DPF3: variants seen among roughly 807,000 people sequenced by gnomAD.
DPF3 encodes the protein double PHD fingers 3, also known as zinc finger protein DPF3.
A neutral mutation model predicts 56.8 loss-of-function variants in DPF3; 18 were observed. The ratio of observed to expected loss-of-function variants is 0.32; its 90% CI spans 0.22 to 0.47. The LOEUF (loss-of-function observed/expected upper bound fraction) is 0.47, where lower values mean the gene tolerates loss of function less well. Ranked by LOEUF, DPF3 falls within the 20% of genes least tolerant of loss-of-function variation. DPF3 has a pLI of 1.00. For synonymous variants in DPF3, 188 were observed against 180.2 expected (o/e 1.04, Z -0.35); for missense variants, 403 against 488.8 (o/e 0.82, Z 1.65).
chr14:72,817,505 T>C (rs1311245350), intron 1 of DPF3, among the ~76,000 whole-genome samples: 2 of 151,880 alleles, frequency 1.3e-5, no homozygotes, highest in Non-Finnish European at 2.9e-5. Context: ...AACTAAAAAA[T>C]AATAATAATA....
chr14:72,638,368 C>T (rs565454578), intron 8 of DPF3, among the ~76,000 whole-genome samples: 1 of 152,326 alleles, frequency 6.6e-6, no homozygotes, highest in Admixed American at 6.5e-5. Flanking sequence ...CAGGAGCATC[C>T]AACCATGGGA....
intron 1 of DPF3, chr14:72,836,509 C>T: frequency 2.0e-6 from 2 of 985,464 alleles, no homozygotes; most frequent in Non-Finnish European, 2.4e-6. Context: ...GGGGTTCTGA[C>T]CACCTCGTGG....
At chr14:72,743,600 CAAA>C (rs57448538) in intron 3 of DPF3, among the ~76,000 whole-genome samples, 178 of 141,668 alleles carry the variant, frequency 1.3e-3, no homozygotes, top group Non-Finnish European at 1.4e-3. Flanking sequence ...TTTCTTCATT[CAAA>C]AAAAAAAAAA....
At chr14:72,820,484 T>A (rs76635763) in intron 1 of DPF3, among the ~76,000 whole-genome samples, 14,229 of 152,256 alleles carry the variant, frequency 0.093, 821 homozygotes, top group Admixed American at 0.18. Context: ...ACTTTAATGA[T>A]AATACTAGTA....
rs1303595797 is a variant in DPF3 at position 72,615,951 on chromosome 14, G to C, written c.*3346C>G. ...TGGTTTGCTGGAGCCACAGTACAGA[G>C]GGGTGAAGCCCAGCAAAGTTCTCCT... On this transcript the variant is annotated 3_prime_UTR_variant, in exon 11 of 11. Coordinates refer to ENST00000556509, the MANE Select transcript of DPF3 (RefSeq NM_001280542.3). Among the ~76,000 whole-genome samples the C allele has an allele frequency of 4.6e-5, 7 of 152,228 alleles. No individual in the cohort carries two copies. Among genetic ancestry groups the C allele is most frequent in the Admixed American group, 2.6e-4 (4 of 15,286 alleles).
intron 6 of DPF3, among the ~76,000 whole-genome samples, chr14:72,706,369 G>A (rs926140696): frequency 7.9e-5 from 12 of 152,066 alleles, no homozygotes; most frequent in Admixed American, 2.0e-4. Context: ...ATTAAATACC[G>A]CCCCGGCAGT....
chr14:72,780,361 T>A (rs1053532803), intron 1 of DPF3, among the ~76,000 whole-genome samples: 1 of 152,198 alleles, frequency 6.6e-6, no homozygotes, highest in South Asian at 2.1e-4. Context: ...CTTCCTTATC[T>A]CTGCTCACTT....
intron 8 of DPF3, among the ~76,000 whole-genome samples, chr14:72,630,655 T>C (rs1885115935): frequency 6.6e-6 from 1 of 152,122 alleles, no homozygotes; most frequent in African/African-American, 2.4e-5. Flanking sequence ...CATGGAAGGA[T>C]AACTTGGATG....
chr14:72,748,998 C>A (rs2109791), intron 3 of DPF3, among the ~76,000 whole-genome samples: 114,195 of 152,162 alleles, frequency 0.75, 43,014 homozygotes, highest in Middle Eastern at 0.86. Flanking sequence ...CAGAGTCCCA[C>A]CTGGGGCACC....
At position 72,769,482 on chromosome 14, in the gene DPF3, C is replaced by G. The variant is rs577111388; in HGVS notation, c.193+2251G>C. 3.9e-5 allele frequency among the ~76,000 whole-genome samples: 6 copies of G among 152,218 alleles called. No homozygotes were observed. In the East Asian group the frequency reaches 9.7e-4, roughly 25 times the overall value. ...GGATCATGAGGTCAAGAGATCAAGA[C>G]AATCCTGGCCAACATGGTGAAACCC... On this transcript the variant is annotated intron_variant, in intron 2 of 10. Coordinates refer to ENST00000556509, the MANE Select transcript of DPF3 (RefSeq NM_001280542.3).
At chr14:72,735,269 G>C (rs539833791) in intron 3 of DPF3, among the ~76,000 whole-genome samples, 2 of 152,180 alleles carry the variant, frequency 1.3e-5, no homozygotes, top group South Asian at 4.2e-4. Context: ...CATGGTTTTG[G>C]GTTCTGCTCT....
At chr14:72,698,151 T>A (rs1599366426) in intron 6 of DPF3, among the ~76,000 whole-genome samples, 2 of 152,344 alleles carry the variant, frequency 1.3e-5, no homozygotes, top group South Asian at 4.1e-4. Context: ...CTAGGACTAA[T>A]CACGTGTCAA....
intron 1 of DPF3, among the ~76,000 whole-genome samples, chr14:72,852,819 A>G (rs1005045006): frequency 6.6e-6 from 1 of 152,196 alleles, no homozygotes; most frequent in African/African-American, 2.4e-5. Flanking sequence ...TTTGCCACAC[A>G]CTACATACAT....
At chr14:72,838,433 G>A (rs1026481098) in intron 1 of DPF3, among the ~76,000 whole-genome samples, 5 of 152,230 alleles carry the variant, frequency 3.3e-5, no homozygotes, top group African/African-American at 1.2e-4. Context: ...GGCGGAGGTT[G>A]CCATGAGTCG....
chr14:72,793,767 G>A (rs12435412), intron 1 of DPF3, among the ~76,000 whole-genome samples: 22,000 of 152,184 alleles, frequency 0.14, 1,716 homozygotes, highest in Middle Eastern at 0.32. Context: ...CAAATTCAAC[G>A]TGATTTTCAT....
intron 1 of DPF3, among the ~76,000 whole-genome samples, chr14:72,876,713 G>A (rs1321880553): frequency 1.3e-5 from 2 of 152,106 alleles, no homozygotes; most frequent in Non-Finnish European, 2.9e-5. Flanking sequence ...ACCCTCCCGA[G>A]CCTAACCAGA....
chr14:72,741,229 T>C (rs1251892269), intron 3 of DPF3, among the ~76,000 whole-genome samples: 4 of 152,128 alleles, frequency 2.6e-5, no homozygotes, highest in African/African-American at 7.2e-5. Context: ...AGAATCACAG[T>C]GCCTCCTCAC....
intron 1 of DPF3, among the ~76,000 whole-genome samples, chr14:72,848,818 T>G (rs1180239454): frequency 6.6e-6 from 1 of 152,210 alleles, no homozygotes; most frequent in Non-Finnish European, 1.5e-5. Context: ...TCACTGCATC[T>G]GTTGTTGGCT....
chr14:72,621,513 G>C (rs1168439527), intron 9 of DPF3, among the ~76,000 whole-genome samples: 1 of 152,220 alleles, frequency 6.6e-6, no homozygotes. Flanking sequence ...CAAGCAATGA[G>C]GGCTTTTTTT....
Sources: gnomAD v4.1 joint callset for allele counts (sites outside exome capture counted in the v4.1 genomes callset) on GRCh38, gnomAD v4.1.1 for gene constraint, MANE v1.5 for transcripts, NCBI Gene and HGNC (gene_info 2026-07-23, HGNC 2026-07-21) for gene names.